The following GNAS variants were observed in gnomAD, a reference collection of about 807,000 sequenced individuals.
GNAS encodes the protein GNAS complex locus, also known as protein ALEX.
Under a neutral mutation model 54.5 loss-of-function variants are expected in GNAS, and 8 were observed. That is an observed-to-expected ratio of 0.15 (90% CI 0.09 to 0.26). The LOEUF is 0.26. Among genes scored for constraint, GNAS ranks in the 10% least tolerant of loss-of-function variants. GNAS has a pLI of 1.00. For missense variants in GNAS, 170 were observed against 529.8 expected, an observed-to-expected ratio of 0.32 and a Z score of 6.67; for synonymous variants, 204 against 191.4, an observed-to-expected ratio of 1.07 and a Z score of -0.54.
Position 58,875,139 on chromosome 20 carries a change from C to G in GNAS, c.44-20473C>G, listed in dbSNP as rs546884706. 3.3e-5 allele frequency among the ~76,000 whole-genome samples: 5 copies of G among 152,256 alleles called. No homozygotes were observed. The South Asian group carries it at 1.0e-3, about 32-fold the overall frequency. On this transcript the variant is annotated intron_variant, in intron 1 of 12. Coordinates refer to the GNAS transcript ENST00000306090. ...TGAAAGAACTCTCAGGTGAACTTTG[C>G]TCCATAGTGAATATGATTGAGATTT...
In GNAS at chr20:58,860,471, G is replaced by A. The variant is rs560017629; in HGVS notation, c.43+19585G>A. Among the ~76,000 whole-genome samples, 13 of 152,086 alleles carry A rather than the reference G, an allele frequency of 8.5e-5. 1 individual carries two copies. The highest frequency in any genetic ancestry group is 2.9e-4 in the African/African-American group (12 of 41,474). ...ACTTTTCTGCATAGCTCTATTATAA[G>A]TATAGCGTTAGAATGTTTAGAATCC... On this transcript the variant is annotated intron_variant, in intron 1 of 12. Transcript: ENST00000306090.
intron 1 of GNAS, among the ~76,000 whole-genome samples, chr20:58,851,059 T>A (rs1250426741): frequency 3.3e-5 from 5 of 152,358 alleles, no homozygotes; most frequent in East Asian, 3.9e-4. Context: ...ATTCAGTGGA[T>A]GCTCAAGTGG....
intron 1 of GNAS, chr20:58,848,756 C>T (rs1461471227): frequency 2.5e-6 from 1 of 395,634 alleles, no homozygotes; most frequent in Non-Finnish European, 4.5e-6. Context: ...TCTTACTATA[C>T]CGGATTCCTC....
upstream of GNAS, chr20:58,889,496 T>G: frequency 7.9e-6 from 2 of 253,294 alleles, no homozygotes; most frequent in Non-Finnish European, 6.2e-6. Context: ...CAATTCTCTC[T>G]CTTTTCTCTT....
chr20:58,868,975 C>T (rs2087252646), intron 1 of GNAS, among the ~76,000 whole-genome samples: 1 of 152,306 alleles, frequency 6.6e-6, no homozygotes, highest in Non-Finnish European at 1.5e-5. Flanking sequence ...CCCGCATCCC[C>T]CTCCCTAAAT....
chr20:58,901,408 T>G (rs1339200177), intron 3 of GNAS, among the ~76,000 whole-genome samples: 1 of 152,208 alleles, frequency 6.6e-6, no homozygotes, highest in East Asian at 1.9e-4. Context: ...GTGGTTGCTT[T>G]AAGAGTCTGG....
chr20:58,866,099 T>C (rs539402851), intron 1 of GNAS, among the ~76,000 whole-genome samples: 1 of 152,276 alleles, frequency 6.6e-6, no homozygotes, highest in South Asian at 2.1e-4. Context: ...AGCCCCACTT[T>C]ATATGTGTTC....
chr20:58,854,011 T>C, intron 1 of GNAS: 1 of 1,611,746 alleles, frequency 6.2e-7, no homozygotes, highest in East Asian at 2.2e-5. Flanking sequence ...ATCGCACAAG[T>C]CGACGGCAGC....
At chr20:58,854,558 C>T (rs763576959) in intron 1 of GNAS, 4 of 1,565,680 alleles carry the variant, frequency 2.6e-6, no homozygotes, top group Admixed American at 1.8e-5. Flanking sequence ...ATCCCGACTC[C>T]GGGGCAGCCC....
At position 58,903,725 on chromosome 20, in the gene GNAS, C is replaced by T. The variant is rs35287986; in HGVS notation, c.366C>T (p.Pro122=). 1,672 of 1,613,814 alleles carry T rather than the reference C, an allele frequency of 1.0e-3. 24 individuals carry two copies. The African/African-American group carries it at 0.02, about 19-fold the overall frequency. Residue 122 remains proline, a synonymous_variant, in exon 5 of 13, where the codon CCC becomes CCT. Transcript: ENST00000371085. ...NLVPPVELAN[P]ENQFRVDYIL... is the part of the protein sequence containing the mutation. ...TGCCCCCCGTGGAGCTGGCCAACCC[C>T]GAGAACCAGTTCAGAGTGGACTACA...
At position 58,841,279 on chromosome 20, in the gene GNAS, T is replaced by G; in HGVS notation, c.43+393T>G. 9.5e-7 allele frequency: 1 copy of G among 1,052,082 alleles called. No individual in the cohort carries two copies. The highest frequency in any genetic ancestry group is 1.7e-5 in the African/African-American group (1 of 59,622). 65.2% of individuals were successfully genotyped at this position (1,052,082 alleles called of 1,614,324 possible). A position where few individuals can be genotyped will look rare whatever the true frequency, so the allele number is the denominator to read the frequency against. On this transcript the variant is annotated intron_variant, in intron 1 of 12. Coordinates refer to the GNAS transcript ENST00000306090. This position sits in a 1 kb window ranked among gnomAD's most constrained non-coding sequence, Gnocchi z 5.0. ...CCTAGAAAGACTAGTCTCAAATAAG[T>G]TGGCCTTCTCAGGTGTCCAAAATGT... is the stretch of plus-strand genomic sequence containing the variant.
chr20:58,885,496 A>G (rs1010213145), intron 1 of GNAS, among the ~76,000 whole-genome samples: 2 of 152,248 alleles, frequency 1.3e-5, no homozygotes, highest in Non-Finnish European at 2.9e-5. Context: ...TCATATGGCC[A>G]TGTAGTTAAT....
intron 1 of GNAS, among the ~76,000 whole-genome samples, chr20:58,843,141 C>G (rs1311625865): frequency 6.6e-6 from 1 of 152,030 alleles, no homozygotes; most frequent in Non-Finnish European, 1.5e-5. Flanking sequence ...CATTACAGCC[C>G]AATTGTAAAA....
intron 1 of GNAS, among the ~76,000 whole-genome samples, chr20:58,851,226 C>T (rs1272938935): frequency 6.6e-6 from 1 of 152,190 alleles, no homozygotes; most frequent in Non-Finnish European, 1.5e-5. Context: ...TTCCGTGCTG[C>T]GTGGCCACAT....
Position 58,856,708 on chromosome 20 carries a change from C to CA in GNAS, c.43+15828dup, listed in dbSNP as rs201076243. On this transcript the variant is annotated intron_variant, in intron 1 of 12. Transcript: ENST00000306090. The surrounding 1 kb of genome is among the most constrained non-coding windows in gnomAD (Gnocchi z 4.2). Reference sequence around the variant, plus strand: ...GTCTTCTGCAAATTGGCTCTGGATACAAAAAATATATAAAGGTATTTTGAT... The same window carrying CA: ...GTCTTCTGCAAATTGGCTCTGGATACAAAAAAATATATAAAGGTATTTTGAT... The CA allele has an allele frequency of 4.6e-5, 7 of 152,190 alleles. No homozygotes were observed. In the East Asian group the frequency reaches 9.6e-4, roughly 21 times the overall value. The allele number at this position is 152,190 out of a possible 1,614,324, so 9.4% of individuals were successfully genotyped here.
chr20:58,840,795 C>T (rs1455756498), upstream of GNAS: 15 of 1,611,922 alleles, frequency 9.3e-6, no homozygotes, highest in Admixed American at 1.7e-5. The surrounding 1 kb of genome is among the most constrained non-coding windows in gnomAD (Gnocchi z 6.0). Flanking sequence ...CGTGACGCGT[C>T]CCCGGAGTCC....
intron 1 of GNAS, among the ~76,000 whole-genome samples, chr20:58,885,640 A>G (rs191891991): frequency 6.6e-6 from 1 of 152,362 alleles, no homozygotes; most frequent in East Asian, 1.9e-4. Flanking sequence ...TGTCCTAGAT[A>G]ATCACTACAT....
intron 1 of GNAS, chr20:58,842,039 C>T (rs564459918): frequency 3.3e-6 from 2 of 602,828 alleles, no homozygotes; most frequent in South Asian, 8.4e-5. Flanking sequence ...CAGGGGCCGG[C>T]GGCTCCGGCA....
chr20:58,854,563 C>T lies in GNAS; in HGVS notation c.43+13677C>T, dbSNP rs779343437. On this transcript the variant is annotated intron_variant, in intron 1 of 12. Coordinates refer to the GNAS transcript ENST00000306090. ...TTCGCAGCCGATCCCGACTCCGGGGCAGCCCCTGCCGCCCCAGCCGATCCC... is the reference window on the plus strand; with the variant it reads ...TTCGCAGCCGATCCCGACTCCGGGGTAGCCCCTGCCGCCCCAGCCGATCCC... 1.3e-6 allele frequency: 2 copies of T among 1,566,078 alleles called. No homozygotes were observed. Among genetic ancestry groups the T allele is most frequent in the Non-Finnish European group, 1.7e-6 (2 of 1,164,782 alleles).
Sources: gnomAD v4.1 joint callset for allele counts (sites outside exome capture counted in the v4.1 genomes callset) on GRCh38, gnomAD v4.1.1 for gene constraint, Gnocchi (gnomAD v3.1) non-coding constraint, MANE v1.5 for transcripts, NCBI Gene and HGNC (gene_info 2026-07-23, HGNC 2026-07-21) for gene names.